Variants in KCNIP4 observed in about 807,000 individuals in gnomAD.
The protein encoded by KCNIP4 is potassium voltage-gated channel interacting protein 4.
KCNIP4 carries 12 observed loss-of-function variants against 34.0 expected under a neutral mutation model. The observed-to-expected ratio is 0.35, with a 90% CI of 0.23 to 0.57. KCNIP4 has a LOEUF of 0.57. Ranked by LOEUF, KCNIP4 falls within the 20% of genes least tolerant of loss-of-function variation. KCNIP4 has a pLI of 0.83. For synonymous variants in KCNIP4, 124 were observed against 102.2 expected (o/e 1.21, Z -1.29); for missense variants, 238 against 311.7 (o/e 0.76, Z 1.78).
intron 1 of KCNIP4, among the ~76,000 whole-genome samples, chr4:21,550,098 T>C (rs1812151): frequency 0.36 from 55,202 of 151,872 alleles, 10,304 homozygotes; most frequent in South Asian, 0.53. Flanking sequence ...CCCCTTAGAT[T>C]TGTCTGCTAT....
chr4:21,327,248 A>T (rs886067875), intron 1 of KCNIP4, among the ~76,000 whole-genome samples: 1 of 152,102 alleles, frequency 6.6e-6, no homozygotes, highest in African/African-American at 2.4e-5. Flanking sequence ...GGTGTTGATA[A>T]CATTCCTCAG....
At chr4:20,736,468 T>C (rs963586948) in intron 5 of KCNIP4, among the ~76,000 whole-genome samples, 2 of 152,222 alleles carry the variant, frequency 1.3e-5, no homozygotes, top group African/African-American at 2.4e-5. Flanking sequence ...ATGATAATTT[T>C]ATACCCTGTC....
chr4:21,725,390 A>G (rs901815148), intron 1 of KCNIP4, among the ~76,000 whole-genome samples: 5 of 152,126 alleles, frequency 3.3e-5, no homozygotes, highest in Non-Finnish European at 5.9e-5. Context: ...AAAATACTCA[A>G]TGGAGAAGAG....
chr4:20,879,204 ACT>A (rs777400084), intron 2 of KCNIP4, among the ~76,000 whole-genome samples: 21 of 152,050 alleles, frequency 1.4e-4, no homozygotes, highest in Non-Finnish European at 2.8e-4. Context: ...GGTACTGCTG[ACT>A]CTATCCCTGT....
intron 1 of KCNIP4, among the ~76,000 whole-genome samples, chr4:21,704,081 A>C (rs540020281): frequency 1.3e-5 from 2 of 152,294 alleles, no homozygotes; most frequent in East Asian, 3.9e-4. Context: ...CAGTAGAGGA[A>C]AGACAGCCTT....
At chr4:21,186,861 C>T (rs1755268685) in intron 1 of KCNIP4, among the ~76,000 whole-genome samples, 1 of 152,088 alleles carries the variant, frequency 6.6e-6, no homozygotes, top group African/African-American at 2.4e-5. Context: ...GTTGCCCAGG[C>T]TGATCTTGAA....
chr4:21,733,166 C>A (rs7378252), intron 1 of KCNIP4, among the ~76,000 whole-genome samples: 78,481 of 151,878 alleles, frequency 0.52, 22,470 homozygotes, highest in East Asian at 0.78. Flanking sequence ...ATTTTTTATG[C>A]GCCAATCCCA....
intron 1 of KCNIP4, among the ~76,000 whole-genome samples, chr4:21,871,104 A>G (rs1725768483): frequency 6.6e-6 from 1 of 151,026 alleles, no homozygotes; most frequent in Admixed American, 6.6e-5. Context: ...TCAAGAGCCC[A>G]GTTTTTTTTT....
intron 1 of KCNIP4, chr4:21,303,908 G>A (rs781445431): frequency 1.2e-6 from 2 of 1,613,786 alleles, no homozygotes; most frequent in Admixed American, 3.3e-5. Flanking sequence ...CAAGTTCATG[G>A]TCAGCTAGGT....
At chr4:21,551,854 T>C (rs1738610243) in intron 1 of KCNIP4, among the ~76,000 whole-genome samples, 1 of 152,018 alleles carries the variant, frequency 6.6e-6, no homozygotes, top group African/African-American at 2.4e-5. Flanking sequence ...AAAAGAAATA[T>C]TGTATTATTG....
intron 1 of KCNIP4, among the ~76,000 whole-genome samples, chr4:21,911,488 C>A (rs1728308242): frequency 1.4e-5 from 2 of 147,106 alleles, no homozygotes; most frequent in Non-Finnish European, 3.0e-5. Context: ...TTTACAACTC[C>A]AATCCTGAGA....
intron 1 of KCNIP4, among the ~76,000 whole-genome samples, chr4:21,231,032 C>T (rs1206996827): frequency 6.6e-6 from 1 of 152,100 alleles, no homozygotes; most frequent in South Asian, 2.1e-4. Context: ...TTACGCCACC[C>T]AATTTCTGGG....
intron 1 of KCNIP4, among the ~76,000 whole-genome samples, chr4:21,071,965 C>T (rs1489132269): frequency 1.3e-5 from 2 of 149,118 alleles, no homozygotes; most frequent in Non-Finnish European, 3.0e-5. Flanking sequence ...CTACAAAGGA[C>T]ATGAACTCAT....
intron 1 of KCNIP4, among the ~76,000 whole-genome samples, chr4:21,240,480 T>A (rs913762688): frequency 1.7e-4 from 26 of 152,134 alleles, no homozygotes; most frequent in African/African-American, 6.3e-4. Flanking sequence ...ACAGACCCCA[T>A]GTAGCAAAAA....
intron 1 of KCNIP4, among the ~76,000 whole-genome samples, chr4:21,701,078 A>G (rs1712797930): frequency 6.6e-6 from 1 of 152,174 alleles, no homozygotes; most frequent in Non-Finnish European, 1.5e-5. Flanking sequence ...GCCTTATACA[A>G]ATTAGGAAAT....
intron 1 of KCNIP4, among the ~76,000 whole-genome samples, chr4:21,596,862 G>T (rs1742689521): frequency 6.6e-6 from 1 of 152,032 alleles, no homozygotes; most frequent in African/African-American, 2.4e-5. Context: ...AAGAAGAAAT[G>T]GAGAGGAACT....
chr4:20,795,889 C>T (rs1197046235), intron 3 of KCNIP4, among the ~76,000 whole-genome samples: 1 of 152,138 alleles, frequency 6.6e-6, no homozygotes, highest in Non-Finnish European at 1.5e-5. Context: ...ACAATGGACA[C>T]AGGGCTCAAC....
chr4:20,929,185 G>T (rs1421009000), intron 1 of KCNIP4, among the ~76,000 whole-genome samples: 2 of 151,880 alleles, frequency 1.3e-5, no homozygotes, highest in African/African-American at 4.8e-5. Flanking sequence ...TATACATCAT[G>T]ACCAATAGGA....
At chr4:21,644,119 A>G (rs1420769307) in intron 1 of KCNIP4, among the ~76,000 whole-genome samples, 1 of 152,164 alleles carries the variant, frequency 6.6e-6, no homozygotes, top group Non-Finnish European at 1.5e-5. Context: ...GTAATTTGAC[A>G]TTGTAATCCT....
Sources: allele counts gnomAD v4.1 joint callset (sites outside exome capture counted in the v4.1 genomes callset), GRCh38; gene constraint gnomAD v4.1.1; transcripts MANE v1.5; gene names NCBI Gene and HGNC (gene_info 2026-07-23, HGNC 2026-07-21).